Variants in GET1 observed in about 807,000 individuals in gnomAD.
GET1 encodes congenital heart disease 5 protein.
In GET1, 20 loss-of-function variants were observed where a neutral mutation model predicts 22.6. The ratio of observed to expected loss-of-function variants is 0.89; its 90% CI spans 0.62 to 1.29. The LOEUF (loss-of-function observed/expected upper bound fraction) is 1.29, where lower values mean the gene tolerates loss of function less well. GET1 is among the 50% of genes most tolerant of loss of function. The probability of loss-of-function intolerance (pLI) is 0.00; values close to 1 mark genes in which losing one functional copy is unlikely to be tolerated. For missense variants in GET1, 209 were observed against 219.9 expected (o/e 0.95, Z 0.31); for synonymous variants, 92 against 83.8 (o/e 1.10, Z -0.53).
intron 4 of GET1, among the ~76,000 whole-genome samples, chr21:39,394,771 C>T (rs1273908455): frequency 6.6e-6 from 1 of 152,208 alleles, no homozygotes; most frequent in African/African-American, 2.4e-5. Flanking sequence ...GGCCCCAATT[C>T]TTAATGCCAT....
chr21:39,402,987 T>C (rs1189397710), intron 4 of GET1, among the ~76,000 whole-genome samples: 1 of 152,182 alleles, frequency 6.6e-6, no homozygotes. Context: ...CTTCTAAATA[T>C]AGCTCTGATT....
At chr21:39,406,234 C>G (rs1361670225) in exon 5 of GET1, 3 of 1,614,134 alleles carry the variant, frequency 1.9e-6, no homozygotes, top group African/African-American at 2.7e-5. Flanking sequence ...CTTGCCTGTA[C>G]TATGACTGTA....
intron 4 of GET1, among the ~76,000 whole-genome samples, chr21:39,403,191 A>C (rs886938572): frequency 9.2e-5 from 14 of 152,140 alleles, no homozygotes; most frequent in Admixed American, 9.2e-4. Context: ...TCCCCTTATG[A>C]GCCTGTGAGA....
chr21:39,389,406 A>G (rs2038149623), intron 1 of GET1, among the ~76,000 whole-genome samples: 1 of 151,956 alleles, frequency 6.6e-6, no homozygotes, highest in Non-Finnish European at 1.5e-5. Flanking sequence ...CCCGGCCTCC[A>G]GAGTGTTAGG....
At chr21:39,418,130 T>C (rs1193677152) in intron 1 of GET1, among the ~76,000 whole-genome samples, 1 of 152,174 alleles carries the variant, frequency 6.6e-6, no homozygotes, top group Non-Finnish European at 1.5e-5. Context: ...AAGAACAGCA[T>C]GGGAAAGACC....
chr21:39,415,793 C>T (rs1019893138), intron 1 of GET1, among the ~76,000 whole-genome samples: 7 of 152,114 alleles, frequency 4.6e-5, no homozygotes, highest in African/African-American at 7.2e-5. Context: ...GCTATTTAAT[C>T]GTAGAAATGG....
intron 1 of GET1, among the ~76,000 whole-genome samples, chr21:39,384,727 CT>C (rs1325598447): frequency 1.3e-5 from 2 of 152,098 alleles, no homozygotes; most frequent in Non-Finnish European, 2.9e-5. Context: ...CTCCCACCCC[CT>C]ATCCTCCACC....
In GET1 at chr21:39,397,047, G is replaced by GT; in HGVS notation, c.*108_*109insT. Reference sequence around the variant, plus strand: ...TTAAGAAACAAAAGTGCATAGTTTAGATTTTTTTTTTGTTGAATATGTTTG... The same window carrying GT: ...TTAAGAAACAAAAGTGCATAGTTTAGTATTTTTTTTTTGTTGAATATGTTTG... On this transcript the variant is annotated 3_prime_UTR_variant, in exon 5 of 5. Transcript: ENST00000649170. 1 of 1,223,772 alleles carries GT rather than the reference G, an allele frequency of 8.2e-7. No homozygotes were observed. The highest frequency in any genetic ancestry group is 1.5e-5 in the African/African-American group (1 of 65,608). The allele number at this position is 1,223,772 out of a possible 1,614,324, so 75.8% of individuals were successfully genotyped here. A position where few individuals can be genotyped will look rare whatever the true frequency, so the allele number is the denominator to read the frequency against.
intron 1 of GET1, among the ~76,000 whole-genome samples, chr21:39,413,142 T>C (rs2040407693): frequency 6.6e-6 from 1 of 152,144 alleles, no homozygotes; most frequent in Non-Finnish European, 1.5e-5. Flanking sequence ...GACAGGGTCC[T>C]GGGAATTTGA....
chr21:39,395,613 C>T (rs1051763654), intron 4 of GET1, among the ~76,000 whole-genome samples: 5 of 152,220 alleles, frequency 3.3e-5, no homozygotes, highest in African/African-American at 9.6e-5. Context: ...ATCCACCTGC[C>T]TTATCCTCCC....
At chr21:39,409,057 G>T (rs2039611155), downstream of GET1, among the ~76,000 whole-genome samples, 1 of 152,188 alleles carries the variant, frequency 6.6e-6, no homozygotes, top group Admixed American at 6.5e-5. The surrounding 1 kb of genome is among the most constrained non-coding windows in gnomAD (Gnocchi z 4.2). Context: ...TATATTTGGA[G>T]ACTGGGTCTT....
intron 3 of GET1, 66 bp from the exon 4 acceptor site, chr21:39,393,100 C>T: frequency 7.3e-7 from 1 of 1,367,206 alleles, no homozygotes; most frequent in African/African-American, 1.4e-5. Flanking sequence ...ATTTCCCTGT[C>T]CTCCCTTCTG....
In GET1 at chr21:39,420,275, A is replaced by C. The variant is rs575746001; in HGVS notation, c.*24-7957A>C. Among the ~76,000 whole-genome samples the C allele has an allele frequency of 1.5e-3, 226 of 152,280 alleles. 2 individuals carry two copies. The highest frequency in any genetic ancestry group is 5.0e-3 in the African/African-American group (206 of 41,568). On this transcript the variant is annotated intron_variant, in intron 1 of 1. Transcript: ENST00000478273. ...GGTGGCTCACACCTGTAATCCCAGC[A>C]CTATGGGAGACCAAGGCAGGTGGAT...
At chr21:39,390,527 T>C (rs2038228592) in intron 1 of GET1, among the ~76,000 whole-genome samples, 171 bp from the exon 2 acceptor site, 1 of 152,170 alleles carries the variant, frequency 6.6e-6, no homozygotes, top group Admixed American at 6.5e-5. Context: ...CTTTGCTCTT[T>C]ATCAGTCCTG....
At position 39,397,186 on chromosome 21, in the gene GET1, G is replaced by A; in HGVS notation, c.*247G>A. 2.1e-6 allele frequency: 1 copy of A among 481,148 alleles called. No individual in the cohort carries two copies. The highest frequency in any genetic ancestry group is 3.7e-6 in the Non-Finnish European group (1 of 271,018). The allele number at this position is 481,148 out of a possible 1,614,324, so 29.8% of individuals were successfully genotyped here. ...TACTAGTGAACACCGTCCTCGATCTGTACGAAATGTGAAATGTTTAGGGAC... is the reference window on the plus strand; with the variant it reads ...TACTAGTGAACACCGTCCTCGATCTATACGAAATGTGAAATGTTTAGGGAC... On this transcript the variant is annotated 3_prime_UTR_variant, in exon 5 of 5. Transcript: ENST00000649170.
chr21:39,411,611 C>T (rs1413574337), downstream of GET1: 1 of 526,992 alleles, frequency 1.9e-6, no homozygotes, highest in Non-Finnish European at 3.4e-6. Context: ...TATTTTAATG[C>T]CTAATGAAGT....
At chr21:39,400,730 G>A (rs910100162), downstream of GET1, among the ~76,000 whole-genome samples, 1 of 152,098 alleles carries the variant, frequency 6.6e-6, no homozygotes, top group Non-Finnish European at 1.5e-5. Context: ...CGGCTTTCCT[G>A]CATGCATCTT....
chr21:39,421,085 T>G (rs938666778), intron 1 of GET1, among the ~76,000 whole-genome samples: 3 of 151,832 alleles, frequency 2.0e-5, no homozygotes, highest in African/African-American at 7.3e-5. Flanking sequence ...TACTCTAAAA[T>G]TTGATTTAAC....
intron 1 of GET1, among the ~76,000 whole-genome samples, chr21:39,389,488 C>T (rs1781936779): frequency 6.6e-6 from 1 of 152,130 alleles, no homozygotes; most frequent in African/African-American, 2.4e-5. Context: ...AGAAGACTGG[C>T]TTCCGTTACT....
Sources: allele counts gnomAD v4.1 joint callset (sites outside exome capture counted in the v4.1 genomes callset), GRCh38; gene constraint gnomAD v4.1.1; non-coding constraint Gnocchi (gnomAD v3.1); transcripts MANE v1.5; gene names NCBI Gene and HGNC (gene_info 2026-07-23, HGNC 2026-07-21).